CDH13: variants seen among roughly 807,000 people sequenced by gnomAD.
CDH13 encodes cadherin 13.
Under a neutral mutation model 63.8 loss-of-function variants are expected in CDH13, and 24 were observed. The observed-to-expected ratio is 0.38, with a 90% CI of 0.27 to 0.53. CDH13 has a LOEUF of 0.53. CDH13 is among the 20% of genes least tolerant of loss of function. The probability of loss-of-function intolerance (pLI) is 0.85; values close to 1 mark genes in which losing one functional copy is unlikely to be tolerated. For synonymous variants in CDH13, 503 were observed against 355.3 expected, an observed-to-expected ratio of 1.42 and a Z score of -4.67; for missense variants, 1,049 against 903.1, an observed-to-expected ratio of 1.16 and a Z score of -2.07.
intron 2 of CDH13, among the ~76,000 whole-genome samples, chr16:82,980,949 T>A (rs1910180402): frequency 6.6e-6 from 1 of 152,240 alleles, no homozygotes; most frequent in African/African-American, 2.4e-5. Flanking sequence ...GCTTTGTAAT[T>A]AGTGCTCCAG....
chr16:82,636,775 C>T (rs34849456), intron 1 of CDH13, among the ~76,000 whole-genome samples: 13,393 of 152,238 alleles, frequency 0.088, 858 homozygotes, highest in East Asian at 0.34. Context: ...CAAACCAAGA[C>T]ACAACCAAGT....
chr16:82,674,222 G>T (rs188205343), intron 1 of CDH13, among the ~76,000 whole-genome samples: 191 of 152,202 alleles, frequency 1.3e-3, no homozygotes, highest in African/African-American at 4.4e-3. Flanking sequence ...TTCCTGCATT[G>T]GCCTATGGAA....
intron 7 of CDH13, chr16:83,508,259 G>A (rs35792057): frequency 0.019 from 2,860 of 154,416 alleles, 45 homozygotes; most frequent in Non-Finnish European, 0.029. Flanking sequence ...CCTGTCCCCG[G>A]TTCAATAACT....
intron 1 of CDH13, among the ~76,000 whole-genome samples, chr16:82,655,133 C>A (rs1047131865): frequency 5.9e-5 from 9 of 152,282 alleles, no homozygotes; most frequent in African/African-American, 2.2e-4. Context: ...ATTCATTTTC[C>A]CAACACATTT....
intron 1 of CDH13, among the ~76,000 whole-genome samples, chr16:82,819,074 C>T (rs571311553): frequency 1.3e-4 from 20 of 152,194 alleles, no homozygotes; most frequent in African/African-American, 4.6e-4. Flanking sequence ...TACTAAAGAA[C>T]AGAAGATTGA....
intron 2 of CDH13, among the ~76,000 whole-genome samples, chr16:83,011,850 C>T (rs1221616375): frequency 6.6e-6 from 1 of 152,216 alleles, no homozygotes; most frequent in African/African-American, 2.4e-5. Flanking sequence ...TTTGCTGGAT[C>T]TACCTTTCTT....
At chr16:82,671,485 A>C (rs939587788) in intron 1 of CDH13, among the ~76,000 whole-genome samples, 1 of 152,228 alleles carries the variant, frequency 6.6e-6, no homozygotes, top group Non-Finnish European at 1.5e-5. Flanking sequence ...AAATATTTCA[A>C]AATCAGTTGT....
rs79435245 is a variant in CDH13 at position 82,755,759 on chromosome 16, C to T, written c.46-102603C>T. 5.3e-3 allele frequency among the ~76,000 whole-genome samples: 807 copies of T among 152,254 alleles called. 12 individuals carry two copies. The highest frequency in any genetic ancestry group is 0.017 in the African/African-American group (719 of 41,544). On this transcript the variant is annotated intron_variant, in intron 1 of 13. Transcript: ENST00000567109. ...AGAACTAAACTAGAATCCGTTGTGGCGGGATTGACCACTAGGTGGTATGTC... is the reference window on the plus strand; with the variant it reads ...AGAACTAAACTAGAATCCGTTGTGGTGGGATTGACCACTAGGTGGTATGTC...
At chr16:83,666,610 C>G (rs1913975666) in intron 8 of CDH13, among the ~76,000 whole-genome samples, 1 of 152,190 alleles carries the variant, frequency 6.6e-6, no homozygotes, top group South Asian at 2.1e-4. Flanking sequence ...TTCTCTCTGG[C>G]TCTCCCCTTC....
intron 3 of CDH13, among the ~76,000 whole-genome samples, chr16:83,067,174 C>T (rs971128371): frequency 6.6e-6 from 1 of 152,190 alleles, no homozygotes; most frequent in Admixed American, 6.5e-5. Flanking sequence ...TTCCAAAGAG[C>T]AGCCTTCATT....
chr16:83,157,566 C>T (rs1337657177), intron 4 of CDH13, among the ~76,000 whole-genome samples: 1 of 151,994 alleles, frequency 6.6e-6, no homozygotes, highest in African/African-American at 2.4e-5. Flanking sequence ...CGCAAAAGGA[C>T]CTAGCAGGAA....
At chr16:82,782,717 C>A (rs554184425) in intron 1 of CDH13, among the ~76,000 whole-genome samples, 1 of 152,252 alleles carries the variant, frequency 6.6e-6, no homozygotes, top group South Asian at 2.1e-4. Flanking sequence ...ATGCCAAGAA[C>A]AAAAGCAGCT....
At chr16:83,633,479 G>C (rs1004700098) in intron 8 of CDH13, among the ~76,000 whole-genome samples, 1 of 152,206 alleles carries the variant, frequency 6.6e-6, no homozygotes, top group East Asian at 1.9e-4. Context: ...TTTCCAGTTA[G>C]CTGAGTCAGC....
chr16:82,945,086 C>T (rs537210166), intron 2 of CDH13, among the ~76,000 whole-genome samples: 3 of 152,028 alleles, frequency 2.0e-5, no homozygotes, highest in Non-Finnish European at 4.4e-5. Flanking sequence ...TTTTTGTTAT[C>T]CATGAGGAGA....
At chr16:83,470,519 C>T (rs980103304) in intron 6 of CDH13, among the ~76,000 whole-genome samples, 5 of 152,200 alleles carry the variant, frequency 3.3e-5, no homozygotes, top group African/African-American at 1.2e-4. Flanking sequence ...CTAGATTCCT[C>T]TTATAATAGA....
chr16:82,764,804 TTTCA>T (rs1031227871), intron 1 of CDH13, among the ~76,000 whole-genome samples: 1 of 151,782 alleles, frequency 6.6e-6, no homozygotes, highest in African/African-American at 2.4e-5. Context: ...TCTTCATTCA[TTTCA>T]TTCATTCTTT....
chr16:82,658,966 A>G (rs1208434833), intron 1 of CDH13, among the ~76,000 whole-genome samples: 1 of 152,192 alleles, frequency 6.6e-6, no homozygotes, highest in African/African-American at 2.4e-5. Flanking sequence ...CATAGTTCCT[A>G]AAGCTGACTC....
chr16:83,349,358 G>C (rs758289790), intron 6 of CDH13, among the ~76,000 whole-genome samples: 6 of 152,138 alleles, frequency 3.9e-5, no homozygotes, highest in Non-Finnish European at 7.4e-5. Context: ...CTAATTCCAA[G>C]GCCCCATCAT....
rs150063462 is a variant in CDH13, at chr16:82,872,667, G to A, written c.157+14194G>A. Among the ~76,000 whole-genome samples the A allele has an allele frequency of 1.2e-4, 19 of 152,178 alleles. 2 individuals carry two copies. The highest frequency in any genetic ancestry group is 3.4e-3 in the Middle Eastern group (1 of 294). The stretch of plus-strand genomic sequence containing the variant: ...ATGTTGATGGAAATTTTTTTGGCTT[G>A]AGAGCAAAAGGGCAAGAGGTACAAA... On this transcript the variant is annotated intron_variant, in intron 2 of 13. Coordinates refer to ENST00000567109, the MANE Select transcript of CDH13 (RefSeq NM_001257.5).
Sources: gnomAD v4.1 joint callset for allele counts (sites outside exome capture counted in the v4.1 genomes callset) on GRCh38, gnomAD v4.1.1 for gene constraint, MANE v1.5 for transcripts, NCBI Gene and HGNC (gene_info 2026-07-23, HGNC 2026-07-21) for gene names.